Variants in SORCS2 observed in about 807,000 individuals in gnomAD.
The protein encoded by SORCS2 is VPS10 domain-containing receptor SorCS2.
In SORCS2, 100 loss-of-function variants were observed where a neutral mutation model predicts 141.6. The observed-to-expected ratio is 0.71, with a 90% CI of 0.60 to 0.83. The LOEUF (loss-of-function observed/expected upper bound fraction) is 0.83. Ranked by LOEUF, SORCS2 falls within the 40% of genes least tolerant of loss-of-function variation. The probability of loss-of-function intolerance (pLI) is 0.00; values close to 1 mark genes in which losing one functional copy is unlikely to be tolerated. For missense variants in SORCS2, 1,646 were observed against 1,560.2 expected (o/e 1.05, Z -0.93); for synonymous variants, 789 against 676.9 (o/e 1.17, Z -2.57).
chr4:7,298,816 C>A (rs1434390721), intron 1 of SORCS2, among the ~76,000 whole-genome samples: 1 of 152,218 alleles, frequency 6.6e-6, no homozygotes. Flanking sequence ...GGCCCCTGTT[C>A]TGCAAACATC....
At chr4:7,606,006 G>A (rs958859878) in intron 3 of SORCS2, among the ~76,000 whole-genome samples, 4 of 152,230 alleles carry the variant, frequency 2.6e-5, no homozygotes, top group African/African-American at 9.6e-5. Context: ...GGGAACAGAA[G>A]AGCCACCGGA....
chr4:7,371,316 A>G (rs183888252), intron 1 of SORCS2, among the ~76,000 whole-genome samples: 1 of 152,116 alleles, frequency 6.6e-6, no homozygotes, highest in South Asian at 2.1e-4. Context: ...TCTAACCTGG[A>G]GCACATCTGA....
chr4:7,547,839 C>T (rs113154133), intron 3 of SORCS2, among the ~76,000 whole-genome samples: 1 of 152,244 alleles, frequency 6.6e-6, no homozygotes, highest in African/African-American at 2.4e-5. Context: ...TCCACCGGCA[C>T]CTGGCACCCT....
chr4:7,196,120 T>C (rs774680895), intron 1 of SORCS2, among the ~76,000 whole-genome samples: 14 of 152,214 alleles, frequency 9.2e-5, no homozygotes, highest in Non-Finnish European at 1.3e-4. Flanking sequence ...CCCATGGAGA[T>C]AGAGAAGGGG....
intron 1 of SORCS2, among the ~76,000 whole-genome samples, chr4:7,296,277 C>T (rs552819928): frequency 6.6e-6 from 1 of 152,354 alleles, no homozygotes; most frequent in East Asian, 1.9e-4. Context: ...GTCTCTTTTC[C>T]CCGGAGCAAG....
intron 3 of SORCS2, among the ~76,000 whole-genome samples, chr4:7,535,161 C>T (rs182201887): frequency 2.6e-5 from 4 of 152,354 alleles, no homozygotes; most frequent in Non-Finnish European, 5.9e-5. Context: ...CCCTGCCCAC[C>T]TCCTCACCAC....
chr4:7,481,560 C>T (rs913613545), intron 2 of SORCS2, among the ~76,000 whole-genome samples: 2 of 152,048 alleles, frequency 1.3e-5, no homozygotes, highest in Non-Finnish European at 2.9e-5. Context: ...GAGGGATGGT[C>T]CTGAATGTAA....
intron 3 of SORCS2, among the ~76,000 whole-genome samples, chr4:7,605,285 C>T (rs948123824): frequency 6.6e-6 from 1 of 152,220 alleles, no homozygotes; most frequent in Non-Finnish European, 1.5e-5. Context: ...GTGTTTCACA[C>T]AGAACTCCTG....
At chr4:7,392,225 G>A (rs867949514) in intron 1 of SORCS2, among the ~76,000 whole-genome samples, 3 of 152,238 alleles carry the variant, frequency 2.0e-5, no homozygotes, top group Non-Finnish European at 4.4e-5. Flanking sequence ...CCAGGGTTCT[G>A]GAGCCCGTCC....
intron 2 of SORCS2, among the ~76,000 whole-genome samples, chr4:7,509,088 G>C (rs1732451799): frequency 6.6e-6 from 1 of 152,198 alleles, no homozygotes; most frequent in Non-Finnish European, 1.5e-5. Context: ...GCTCAAACAG[G>C]AGATCAGTAC....
chr4:7,330,575 G>A (rs1186409067), intron 1 of SORCS2, among the ~76,000 whole-genome samples: 1 of 151,600 alleles, frequency 6.6e-6, no homozygotes, highest in African/African-American at 2.4e-5. Context: ...GGCTCCTTCT[G>A]CTTGGCATGG....
intron 1 of SORCS2, among the ~76,000 whole-genome samples, chr4:7,220,432 G>C (rs1728636571): frequency 6.6e-6 from 1 of 152,184 alleles, no homozygotes; most frequent in Non-Finnish European, 1.5e-5. Flanking sequence ...GAAAGAAAAG[G>C]AATGAGTGGA....
chr4:7,290,401 G>C (rs939188123), intron 1 of SORCS2, among the ~76,000 whole-genome samples: 4 of 152,162 alleles, frequency 2.6e-5, no homozygotes, highest in African/African-American at 4.8e-5. Context: ...TCAGGGCTTT[G>C]ACTGTCCCCC....
At chr4:7,443,568 G>T (rs1330420010) in intron 2 of SORCS2, among the ~76,000 whole-genome samples, 2 of 152,314 alleles carry the variant, frequency 1.3e-5, no homozygotes, top group Admixed American at 6.5e-5. Context: ...CCCAACTCCA[G>T]ACATTTAGAA....
At chr4:7,694,913 GCT>G (rs1724498573) in intron 11 of SORCS2, among the ~76,000 whole-genome samples, 21 of 151,890 alleles carry the variant, frequency 1.4e-4, no homozygotes, top group Admixed American at 9.2e-4. Flanking sequence ...CCACTCGGAG[GCT>G]CTTTCCTGCC....
At chr4:7,454,074 G>C (rs1358787790) in intron 2 of SORCS2, among the ~76,000 whole-genome samples, 6 of 131,442 alleles carry the variant, frequency 4.6e-5, no homozygotes, top group Non-Finnish European at 9.7e-5. Flanking sequence ...CTGTGTGTTG[G>C]GGTCAGGTGC....
chr4:7,199,934 G>A (rs923048835), intron 1 of SORCS2, among the ~76,000 whole-genome samples: 5 of 152,076 alleles, frequency 3.3e-5, no homozygotes, highest in East Asian at 3.9e-4. Flanking sequence ...CGACACTCCC[G>A]GGGAATGCGA....
At chr4:7,492,850 G>A (rs775998906) in intron 2 of SORCS2, among the ~76,000 whole-genome samples, 34 of 152,170 alleles carry the variant, frequency 2.2e-4, no homozygotes, top group Middle Eastern at 3.2e-3. Flanking sequence ...GTGCACCTGC[G>A]GAGCCTCTGA....
intron 3 of SORCS2, among the ~76,000 whole-genome samples, chr4:7,564,820 A>T (rs1050572805): frequency 6.6e-6 from 1 of 152,256 alleles, no homozygotes; most frequent in Admixed American, 6.5e-5. Flanking sequence ...GAAAGAAAAG[A>T]AGCAAATGGT....
Sources: allele counts gnomAD v4.1 joint callset (sites outside exome capture counted in the v4.1 genomes callset), GRCh38; gene constraint gnomAD v4.1.1; transcripts MANE v1.5; gene names NCBI Gene and HGNC (gene_info 2026-07-23, HGNC 2026-07-21).